CHRM2: variants seen among roughly 807,000 people sequenced by gnomAD.
The protein encoded by CHRM2 is cholinergic receptor muscarinic 2.
A neutral mutation model predicts 25.0 loss-of-function variants in CHRM2; 8 were observed. That is an observed-to-expected ratio of 0.32 (90% CI 0.19 to 0.58). CHRM2 has a LOEUF of 0.58. Ranked by LOEUF, CHRM2 falls within the 20% of genes least tolerant of loss-of-function variation. CHRM2 has a pLI of 0.88. For synonymous variants in CHRM2, 202 were observed against 205.7 expected (o/e 0.98, Z 0.15); for missense variants, 440 against 567.1 (o/e 0.78, Z 2.28).
rs770969121 is a variant in CHRM2, at chr7:137,015,792, C to T, written c.927C>T (p.Ser309=). 2 of 1,613,174 alleles carry T rather than the reference C, an allele frequency of 1.2e-6. No individual in the cohort carries two copies. Among genetic ancestry groups the T allele is most frequent in the Middle Eastern group, 1.7e-4 (1 of 6,048 alleles). Residue 309 remains serine (S), a synonymous_variant, in exon 4 of 4, where the codon TCC becomes TCT. Transcript: ENST00000680005. This position sits in a 1 kb window ranked among gnomAD's most constrained non-coding sequence, Gnocchi z 5.1. ...DEITQDENTV[S]TSLGHSKDEN... is the part of the protein sequence containing the mutation. ...TAACCCAGGATGAAAACACAGTTTC[C>T]ACTTCCCTGGGCCATTCCAAAGATG...
intron 2 of CHRM2, among the ~76,000 whole-genome samples, chr7:136,973,334 C>T (rs1248942890): frequency 1.1e-5 from 1 of 92,272 alleles, no homozygotes. Context: ...GTGATGGTGA[C>T]GGTGTTAGGG....
intron 2 of CHRM2, among the ~76,000 whole-genome samples, chr7:136,886,049 G>C (rs1796451575): frequency 6.6e-6 from 1 of 152,140 alleles, no homozygotes; most frequent in Admixed American, 6.6e-5. Context: ...TATCCTGTTG[G>C]CTAGCATGAG....
In CHRM2 at chr7:137,015,600, T is replaced by A; in HGVS notation, c.735T>A (p.Asn245Lys). 6.2e-7 allele frequency: 1 copy of A among 1,612,802 alleles called. No homozygotes were observed. The highest frequency in any genetic ancestry group is 8.5e-7 in the Non-Finnish European group (1 of 1,179,532). ...AAGGAAGGATAGTGAAGCCAAACAA[T>A]AACAACATGCCCAGCAGTGACGATG... ...LVQGRIVKPN[N>K]NNMPSSDDGL... Residue 245 changes from asparagine to lysine, a missense_variant, in exon 4 of 4, where the codon AAT becomes AAA. Around this residue, in one of 5 missense-constraint regions of CHRM2, gnomAD observed 261 missense variants for 261.8 expected, o/e 1.00. Coordinates refer to ENST00000680005, the MANE Select transcript of CHRM2 (RefSeq NM_001006630.2). The surrounding 1 kb of genome is among the most constrained non-coding windows in gnomAD (Gnocchi z 5.1).
chr7:136,960,706 T>C (rs1412393836), intron 2 of CHRM2, among the ~76,000 whole-genome samples: 1 of 152,246 alleles, frequency 6.6e-6, no homozygotes, highest in Non-Finnish European at 1.5e-5. Context: ...CACACTTTTT[T>C]TTCTATTCTA....
intron 2 of CHRM2, among the ~76,000 whole-genome samples, chr7:136,964,500 C>T (rs1186334077): frequency 2.0e-5 from 3 of 152,174 alleles, no homozygotes; most frequent in African/African-American, 7.2e-5. Context: ...CAATTGCCTG[C>T]CTGCAAAATA....
At chr7:136,872,237 G>A (rs894906191) in intron 2 of CHRM2, among the ~76,000 whole-genome samples, 1 of 152,134 alleles carries the variant, frequency 6.6e-6, no homozygotes, top group African/African-American at 2.4e-5. Flanking sequence ...AGGCAAATTG[G>A]AGTGAGCAAA....
In CHRM2 at chr7:136,872,044, G is replaced by T. The variant is rs1166454138; in HGVS notation, c.-125+2626G>T. The T allele has an allele frequency of 2.0e-5, 3 of 152,244 alleles. No homozygotes were observed. In the East Asian group the frequency reaches 5.8e-4, roughly 29 times the overall value. The allele number at this position is 152,244 out of a possible 1,614,324, so 9.4% of individuals were successfully genotyped here. On this transcript the variant is annotated intron_variant, in intron 2 of 3. Transcript: ENST00000680005. ...AAATTTAACCTGACCCTAAAAAGAGGTGAGAACTCCAGCCAAATCTGTTTA... is the reference window on the plus strand; with the variant it reads ...AAATTTAACCTGACCCTAAAAAGAGTTGAGAACTCCAGCCAAATCTGTTTA...
At position 137,015,888 on chromosome 7, in the gene CHRM2, T is replaced by A; in HGVS notation, c.1023T>A (p.Asn341Lys). ...TPKSDSCTPT[N>K]TTVEVVGSSG... ...AAAGTGACTCATGTACCCCAACTAA[T>A]ACCACCGTGGAGGTAGTGGGGTCTT... The change falls in exon 4 of 4, where the codon AAT becomes AAA. Residue 341 changes from asparagine to lysine, a missense_variant. Around this residue, in one of 5 missense-constraint regions of CHRM2, gnomAD observed 261 missense variants for 261.8 expected, o/e 1.00. Transcript: ENST00000680005. This position sits in a 1 kb window ranked among gnomAD's most constrained non-coding sequence, Gnocchi z 5.1. 1.9e-6 allele frequency: 3 copies of A among 1,613,058 alleles called. No homozygotes were observed.
rs1450709329 is a variant in CHRM2 at position 137,016,505 on chromosome 7, G to A, written c.*239G>A. 9 of 518,526 alleles carry A rather than the reference G, an allele frequency of 1.7e-5. No homozygotes were observed. The highest frequency in any genetic ancestry group is 9.7e-5 in the Admixed American group (3 of 30,802). 32.1% of individuals were successfully genotyped at this position (518,526 alleles called of 1,614,324 possible). On this transcript the variant is annotated 3_prime_UTR_variant, in exon 4 of 4. Transcript: ENST00000680005. ...ACAATGAAAGAAACATGTTGGGATC[G>A]TGGATTTAAGAAACTATACACTGTT...
chr7:136,931,768 C>T (rs1347906512), intron 2 of CHRM2, among the ~76,000 whole-genome samples: 5 of 152,186 alleles, frequency 3.3e-5, no homozygotes, highest in Admixed American at 6.5e-5. Flanking sequence ...AACTCCTTCA[C>T]GTATTGCTTC....
intron 2 of CHRM2, among the ~76,000 whole-genome samples, chr7:136,946,008 C>T (rs1164438215): frequency 2.0e-5 from 3 of 152,060 alleles, no homozygotes; most frequent in Non-Finnish European, 2.9e-5. Flanking sequence ...GGAAAGAGAA[C>T]CAGACTAGGG....
chr7:136,879,104 C>A (rs949530733), intron 2 of CHRM2, among the ~76,000 whole-genome samples: 1 of 151,850 alleles, frequency 6.6e-6, no homozygotes, highest in Non-Finnish European at 1.5e-5. Flanking sequence ...AGTGCTTGAG[C>A]CTTCGTAGTT....
chr7:136,985,961 TA>T (rs919968950), intron 2 of CHRM2, among the ~76,000 whole-genome samples: 82 of 152,300 alleles, frequency 5.4e-4, no homozygotes, highest in African/African-American at 1.9e-3. Flanking sequence ...CTTAAAAGGT[TA>T]AAAACAGAGG....
chr7:136,995,722 C>T (rs949065835), intron 3 of CHRM2, among the ~76,000 whole-genome samples: 1 of 151,962 alleles, frequency 6.6e-6, no homozygotes, highest in African/African-American at 2.4e-5. Context: ...CAAGACTGCA[C>T]CACTGCACAC....
chr7:136,980,106 C>T (rs551102528), intron 2 of CHRM2, among the ~76,000 whole-genome samples: 2,549 of 152,200 alleles, frequency 0.017, 39 homozygotes, highest in Middle Eastern at 0.065. Flanking sequence ...TTGTTTGTGT[C>T]CTCTCTTACC....
At chr7:136,976,794 C>T (rs1802133056) in intron 2 of CHRM2, among the ~76,000 whole-genome samples, 1 of 152,124 alleles carries the variant, frequency 6.6e-6, no homozygotes, top group Admixed American at 6.6e-5. Flanking sequence ...AACTCTTACT[C>T]CCTGCTGCAG....
chr7:136,995,273 C>T (rs964226620), intron 3 of CHRM2, among the ~76,000 whole-genome samples: 1 of 151,824 alleles, frequency 6.6e-6, no homozygotes, highest in Non-Finnish European at 1.5e-5. Context: ...TAAGGAAGGT[C>T]GACCTTAGCA....
intron 2 of CHRM2, among the ~76,000 whole-genome samples, chr7:136,910,828 T>TGA (rs1478506284): frequency 2.7e-4 from 40 of 148,830 alleles, no homozygotes; most frequent in African/African-American, 8.2e-4. Context: ...TGTGTGTGTG[T>TGA]GTGAGAGAGA....
At chr7:136,871,641 T>G (rs1005866460) in intron 2 of CHRM2, 1 of 152,434 alleles carries the variant, frequency 6.6e-6, no homozygotes, top group African/African-American at 2.4e-5. Flanking sequence ...ATGATGGTAT[T>G]TTTAAACAGA....
Sources: allele counts gnomAD v4.1 joint callset (sites outside exome capture counted in the v4.1 genomes callset), GRCh38; gene constraint gnomAD v4.1.1; regional missense constraint gnomAD v4.1.1; non-coding constraint Gnocchi (gnomAD v3.1); transcripts MANE v1.5; gene names NCBI Gene and HGNC (gene_info 2026-07-23, HGNC 2026-07-21).